The following SLC9A8 variants were observed in gnomAD, a reference collection of about 807,000 sequenced individuals.
SLC9A8 encodes the protein solute carrier family 9 member A8.
Under a neutral mutation model 66.6 loss-of-function variants are expected in SLC9A8, and 48 were observed. That is an observed-to-expected ratio of 0.72 (90% CI 0.57 to 0.92). The LOEUF (loss-of-function observed/expected upper bound fraction) is 0.92, where lower values mean the gene tolerates loss of function less well. Ranked by LOEUF, SLC9A8 falls within the 40% of genes least tolerant of loss-of-function variation. The pLI is 0.00. For synonymous variants in SLC9A8, 274 were observed against 282.6 expected (o/e 0.97, Z 0.31); for missense variants, 599 against 747.3 (o/e 0.80, Z 2.31).
chr20:49,849,492 G>A, intron 5 of SLC9A8, 87 bp from the exon 6 acceptor site: 9 of 1,003,224 alleles, frequency 9.0e-6, no homozygotes, highest in Non-Finnish European at 1.4e-5. Context: ...AATCAAGTCT[G>A]CACGGAGGGC....
chr20:49,843,623 C>T (rs1206906329), intron 4 of SLC9A8, among the ~76,000 whole-genome samples: 2 of 151,982 alleles, frequency 1.3e-5, no homozygotes, highest in African/African-American at 4.8e-5. Context: ...TATATATTTC[C>T]CCAAAATTCT....
intron 7 of SLC9A8, among the ~76,000 whole-genome samples, chr20:49,852,712 A>G (rs2088304065): frequency 6.6e-6 from 1 of 152,216 alleles, no homozygotes; most frequent in Non-Finnish European, 1.5e-5. Context: ...CTTTCCATAC[A>G]GACCTCTCAA....
At chr20:49,826,053 T>C (rs376944469) in intron 3 of SLC9A8, among the ~76,000 whole-genome samples, 1 of 152,190 alleles carries the variant, frequency 6.6e-6, no homozygotes, top group African/African-American at 2.4e-5. Context: ...GCAGAAATAA[T>C]TGTAGCCTGA....
At chr20:49,864,624 C>G (rs2088886443) in intron 9 of SLC9A8, 115 bp from the exon 10 acceptor site, 1 of 707,678 alleles carries the variant, frequency 1.4e-6, no homozygotes. Context: ...TTGGGACATT[C>G]TAAAATCTAT....
intron 2 of SLC9A8, among the ~76,000 whole-genome samples, chr20:49,820,488 T>A (rs2086694794): frequency 6.6e-6 from 1 of 151,886 alleles, no homozygotes; most frequent in Non-Finnish European, 1.5e-5. Flanking sequence ...AGAGTGAGAC[T>A]CTGTCTCGGG....
chr20:49,820,069 C>T (rs571838380), intron 2 of SLC9A8, among the ~76,000 whole-genome samples: 2,751 of 152,252 alleles, frequency 0.018, 82 homozygotes, highest in African/African-American at 0.064. Flanking sequence ...AGTGGAATTG[C>T]CGAGTCAAAC....
chr20:49,888,724 T>C lies in SLC9A8; in HGVS notation c.*788T>C, dbSNP rs1345636691. The C allele has an allele frequency of 6.6e-6, 1 of 152,544 alleles. No homozygotes were observed. Among genetic ancestry groups the C allele is most frequent in the Non-Finnish European group, 1.5e-5 (1 of 68,062 alleles). The allele number at this position is 152,544 out of a possible 1,614,324, so 9.4% of individuals were successfully genotyped here. On this transcript the variant is annotated 3_prime_UTR_variant, in exon 16 of 16. Coordinates refer to ENST00000361573, the MANE Select transcript of SLC9A8 (RefSeq NM_015266.3). Reference sequence around the variant, plus strand: ...GGTTTCTGCCGGCCCACAACTGCTGTCTTGATTTGCATTTTACAGCAAAGT... The same window carrying C: ...GGTTTCTGCCGGCCCACAACTGCTGCCTTGATTTGCATTTTACAGCAAAGT...
Position 49,886,921 on chromosome 20 carries a change from CT to C in SLC9A8, c.1638+26del, listed in dbSNP as rs1011335159. ...GAGGTGGGATACCGGCCAGGCCACA[CT>C]TTCTGGGGGTCCCTTGCCTGCCTCC... On this transcript the variant is annotated intron_variant, in intron 15 of 15. Transcript: ENST00000361573. This position sits in a 1 kb window ranked among gnomAD's most constrained non-coding sequence, Gnocchi z 4.8. 2.5e-6 allele frequency: 4 copies of C among 1,604,764 alleles called. No homozygotes were observed. In the African/African-American group the frequency reaches 5.3e-5, roughly 21 times the overall value.
intron 2 of SLC9A8, among the ~76,000 whole-genome samples, chr20:49,820,674 A>G (rs777791180): frequency 6.6e-6 from 1 of 151,546 alleles, no homozygotes; most frequent in Non-Finnish European, 1.5e-5. Context: ...AGCCTCCCAT[A>G]TAGCTGGGAT....
chr20:49,845,303 T>C (rs554276243), intron 5 of SLC9A8, among the ~76,000 whole-genome samples, 184 bp downstream of exon 5: 3 of 152,334 alleles, frequency 2.0e-5, no homozygotes, highest in East Asian at 3.9e-4. Context: ...ACATGATGAA[T>C]TGGCTGCTTT....
chr20:49,840,125 A>G lies in SLC9A8; in HGVS notation c.348+526A>G, dbSNP rs148400144. Reference sequence around the variant, plus strand: ...GAGATTGGGATGTATTCAGTGTCACAGAGCTAGAAAGAAAGTGGCCGAGTG... The same window carrying G: ...GAGATTGGGATGTATTCAGTGTCACGGAGCTAGAAAGAAAGTGGCCGAGTG... On this transcript the variant is annotated intron_variant, in intron 4 of 15. Transcript: ENST00000361573. Among the ~76,000 whole-genome samples, 72 of 152,346 alleles carry G rather than the reference A, an allele frequency of 4.7e-4. 1 individual carries two copies. The East Asian group carries it at 0.013, about 29-fold the overall frequency.
chr20:49,815,940 A>G (rs145268699), intron 2 of SLC9A8, among the ~76,000 whole-genome samples: 1 of 152,210 alleles, frequency 6.6e-6, no homozygotes, highest in East Asian at 1.9e-4. Flanking sequence ...TTTGACTTCC[A>G]TGTGAATTTT....
At chr20:49,816,351 C>T (rs899063995) in intron 2 of SLC9A8, among the ~76,000 whole-genome samples, 6 of 151,526 alleles carry the variant, frequency 4.0e-5, no homozygotes, top group African/African-American at 1.2e-4. Context: ...ACCTGGGAGG[C>T]GGAGGCTGCG....
intron 14 of SLC9A8, among the ~76,000 whole-genome samples, chr20:49,885,068 C>T (rs1353932501): frequency 6.6e-6 from 1 of 152,374 alleles, no homozygotes; most frequent in South Asian, 2.1e-4. Context: ...TCTCCATGCT[C>T]AGCTGGGCCC....
intron 10 of SLC9A8, among the ~76,000 whole-genome samples, chr20:49,870,137 A>C (rs931645164): frequency 1.3e-5 from 2 of 152,240 alleles, no homozygotes; most frequent in Non-Finnish European, 2.9e-5. Context: ...ACTCTCGCCC[A>C]TTCAAGAAAT....
intron 9 of SLC9A8, chr20:49,863,773 T>C (rs1236065647): frequency 6.6e-6 from 1 of 152,246 alleles, no homozygotes; most frequent in Non-Finnish European, 1.5e-5. Flanking sequence ...AATTTCATTA[T>C]GTTTAAAATA....
chr20:49,875,636 T>A (rs1039093426), intron 11 of SLC9A8, among the ~76,000 whole-genome samples: 7 of 152,134 alleles, frequency 4.6e-5, no homozygotes, highest in South Asian at 2.1e-4. Context: ...TTGGAAGTGG[T>A]TGGAGTCGGG....
chr20:49,887,728 C>T (rs2089941279), intron 15 of SLC9A8, 101 bp from the exon 16 acceptor site: 4 of 850,936 alleles, frequency 4.7e-6, no homozygotes, highest in Non-Finnish European at 7.4e-6. Context: ...TGCCTCCCAC[C>T]TCCTCCCTAG....
chr20:49,868,722 C>T (rs577040139), intron 10 of SLC9A8, among the ~76,000 whole-genome samples: 7 of 152,338 alleles, frequency 4.6e-5, no homozygotes, highest in African/African-American at 1.7e-4. Context: ...ACCCCATGCT[C>T]TACTTCCTCA....
Sources: gnomAD v4.1 joint callset for allele counts (sites outside exome capture counted in the v4.1 genomes callset) on GRCh38, gnomAD v4.1.1 for gene constraint, Gnocchi (gnomAD v3.1) non-coding constraint, MANE v1.5 for transcripts, NCBI Gene and HGNC (gene_info 2026-07-23, HGNC 2026-07-21) for gene names.